The following FNDC1 variants were observed in gnomAD, a reference collection of about 807,000 sequenced individuals.
FNDC1 encodes the protein fibronectin type III domain-containing protein 1.
Under a neutral mutation model 168.0 loss-of-function variants are expected in FNDC1, and 96 were observed. The observed-to-expected ratio is 0.57, with a 90% CI of 0.48 to 0.68. FNDC1 has a LOEUF of 0.68. Ranked by LOEUF, FNDC1 falls within the 30% of genes least tolerant of loss-of-function variation. FNDC1 has a pLI of 0.00. For synonymous variants in FNDC1, 1,099 were observed against 1,025.9 expected, an observed-to-expected ratio of 1.07 and a Z score of -1.36; for missense variants, 2,587 against 2,482.1, an observed-to-expected ratio of 1.04 and a Z score of -0.90.
Position 159,197,545 on chromosome 6 carries a change from T to A in FNDC1, c.224T>A (p.Ile75Asn). 2 of 1,613,980 alleles carry A rather than the reference T, an allele frequency of 1.2e-6. No individual in the cohort carries two copies. Among genetic ancestry groups the A allele is most frequent in the South Asian group, 1.1e-5 (1 of 91,068 alleles). Residue 75 changes from isoleucine (I) to asparagine (N), a missense_variant, in exon 2 of 23, where the codon ATT (isoleucine) becomes AAT (asparagine). Ile to Asn is a moderately radical substitution (Grantham distance 149). Coordinates refer to ENST00000297267, the MANE Select transcript of FNDC1 (RefSeq NM_032532.3). ...ATSRPVEHYN[I>N]AYGKSLKSLK... ...AGTAGACCTGTGGAGCATTACAACA[T>A]TGCCTATGGGAAGTCACTGAAAAGT... is the stretch of plus-strand genomic sequence containing the variant.
At chr6:159,256,681 C>A (rs758667376) in intron 18 of FNDC1, 50 bp downstream of exon 18, 1 of 1,374,198 alleles carries the variant, frequency 7.3e-7, no homozygotes, top group South Asian at 1.2e-5. Flanking sequence ...TGCATGGTTG[C>A]TGATTTGCTT....
intron 1 of FNDC1, among the ~76,000 whole-genome samples, chr6:159,187,113 C>G (rs1782019080): frequency 6.6e-6 from 1 of 152,154 alleles, no homozygotes; most frequent in African/African-American, 2.4e-5. Context: ...GTAATGGGGA[C>G]CTGCAGCCTA....
At chr6:159,270,353 A>G (rs1777716692) in intron 22 of FNDC1, among the ~76,000 whole-genome samples, 1 of 152,268 alleles carries the variant, frequency 6.6e-6, no homozygotes, top group Non-Finnish European at 1.5e-5. Context: ...TTAATGTTGG[A>G]TCAGATATAT....
chr6:159,253,140 G>A (rs2115017458), intron 17 of FNDC1, among the ~76,000 whole-genome samples: 1 of 152,298 alleles, frequency 6.6e-6, no homozygotes, highest in South Asian at 2.1e-4. Flanking sequence ...AAACCTCAGA[G>A]CCCTAATCAT....
rs371306729 is a variant in FNDC1 at position 159,221,721 on chromosome 6, T to C, written c.766+25T>C. 7.7e-6 allele frequency: 12 copies of C among 1,549,438 alleles called. No homozygotes were observed. In the African/African-American group the frequency reaches 1.6e-4, roughly 21 times the overall value. On this transcript the variant is annotated intron_variant, in intron 6 of 22. Transcript: ENST00000297267. The stretch of plus-strand genomic sequence containing the variant: ...GGTATGTTTCTAAGGATGCATTTGG[T>C]CAAACCATAGTCTGGTATGAATGCT...
At chr6:159,201,692 T>C (rs1450175470) in intron 4 of FNDC1, among the ~76,000 whole-genome samples, 2 of 152,196 alleles carry the variant, frequency 1.3e-5, no homozygotes, top group Non-Finnish European at 2.9e-5. Context: ...TTAGTACAGC[T>C]AGCAAGTGTG....
chr6:159,179,893 G>A (rs1016213281), intron 1 of FNDC1, among the ~76,000 whole-genome samples: 2 of 152,198 alleles, frequency 1.3e-5, no homozygotes, highest in African/African-American at 2.4e-5. Context: ...GAATAAGGGG[G>A]TGGTGCCGAG....
chr6:159,209,842 C>A (rs1340828938), intron 4 of FNDC1, among the ~76,000 whole-genome samples: 1 of 152,108 alleles, frequency 6.6e-6, no homozygotes, highest in Non-Finnish European at 1.5e-5. Context: ...TTCTTCCAAT[C>A]CCTGAAAATG....
intron 21 of FNDC1, among the ~76,000 whole-genome samples, chr6:159,266,886 A>G (rs1193035464): frequency 6.6e-6 from 1 of 151,992 alleles, no homozygotes; most frequent in Non-Finnish European, 1.5e-5. Context: ...GGGAGATTAA[A>G]ACAAAGAATA....
intron 1 of FNDC1, among the ~76,000 whole-genome samples, chr6:159,195,883 T>C (rs1782233114): frequency 1.3e-5 from 2 of 152,230 alleles, no homozygotes; most frequent in African/African-American, 4.8e-5. Context: ...GCGATATGTA[T>C]ATTCATTCAT....
At chr6:159,175,889 C>G (rs59660400) in intron 1 of FNDC1, among the ~76,000 whole-genome samples, 1 of 152,164 alleles carries the variant, frequency 6.6e-6, no homozygotes, top group Non-Finnish European at 1.5e-5. Context: ...TGCTAAGACA[C>G]TCAGTTTTGT....
chr6:159,264,143 C>T (rs1417328565), intron 19 of FNDC1, among the ~76,000 whole-genome samples: 1 of 152,136 alleles, frequency 6.6e-6, no homozygotes, highest in Non-Finnish European at 1.5e-5. Context: ...TTGAGTTGTG[C>T]TTATACCCAT....
chr6:159,178,063 A>G (rs1189185541), intron 1 of FNDC1, among the ~76,000 whole-genome samples: 2 of 152,208 alleles, frequency 1.3e-5, no homozygotes. Flanking sequence ...GAGCCATGAA[A>G]GGCCAGCAGG....
chr6:159,262,315 T>G (rs1777503100), intron 19 of FNDC1, among the ~76,000 whole-genome samples: 1 of 152,216 alleles, frequency 6.6e-6, no homozygotes, highest in African/African-American at 2.4e-5. Context: ...TGGAAGATAT[T>G]TTTAAGTGTA....
intron 18 of FNDC1, among the ~76,000 whole-genome samples, chr6:159,260,472 C>T (rs761340600): frequency 9.9e-5 from 15 of 152,160 alleles, no homozygotes; most frequent in Non-Finnish European, 1.9e-4. Flanking sequence ...CCTCTCTCTC[C>T]GGATCTTTCC....
intron 1 of FNDC1, among the ~76,000 whole-genome samples, chr6:159,170,850 G>A (rs1781639767): frequency 6.6e-6 from 1 of 152,092 alleles, no homozygotes. Context: ...TGAACTCTAG[G>A]AAAGTATTCA....
intron 21 of FNDC1, 113 bp downstream of exon 21, chr6:159,266,358 A>G (rs995931301): frequency 1.8e-6 from 2 of 1,128,388 alleles, no homozygotes; most frequent in South Asian, 1.4e-5. Flanking sequence ...AGCTACGACT[A>G]TGGCTCACTC....
intron 22 of FNDC1, among the ~76,000 whole-genome samples, chr6:159,268,487 C>T (rs773682145): frequency 1.3e-5 from 2 of 152,142 alleles, no homozygotes; most frequent in Non-Finnish European, 2.9e-5. Flanking sequence ...CAGTAAAATA[C>T]AGAAAAGAGT....
At chr6:159,255,403 T>C (rs1316709835) in intron 17 of FNDC1, among the ~76,000 whole-genome samples, 1 of 152,150 alleles carries the variant, frequency 6.6e-6, no homozygotes, top group East Asian at 1.9e-4. Context: ...GCTCTTTGTG[T>C]CCTCCATGGT....
Sources: allele counts gnomAD v4.1 joint callset (sites outside exome capture counted in the v4.1 genomes callset), GRCh38; gene constraint gnomAD v4.1.1; transcripts MANE v1.5; gene names NCBI Gene and HGNC (gene_info 2026-07-23, HGNC 2026-07-21).